Variants in NDUFAF6 observed in about 807,000 individuals in gnomAD.
NDUFAF6 encodes NADH dehydrogenase (ubiquinone) complex I, assembly factor 6.
NDUFAF6 carries 45 observed loss-of-function variants against 40.8 expected under a neutral mutation model. The ratio of observed to expected loss-of-function variants is 1.10; its 90% confidence interval spans 0.87 to 1.42. The LOEUF is 1.42. Among genes scored for constraint, NDUFAF6 ranks in the 40% most tolerant of loss-of-function variants. The pLI, the probability that NDUFAF6 is intolerant of heterozygous loss-of-function variation, is 0.00. For synonymous variants in NDUFAF6, 185 were observed against 155.9 expected (o/e 1.19, Z -1.39); for missense variants, 435 against 418.5 (o/e 1.04, Z -0.34).
chr8:95,021,901 T>C (rs1293076604), upstream of NDUFAF6, among the ~76,000 whole-genome samples: 1 of 152,112 alleles, frequency 6.6e-6, no homozygotes, highest in African/African-American at 2.4e-5. Context: ...GTGTCCAAAG[T>C]AGGGGGCAGC....
intron 1 of NDUFAF6, among the ~76,000 whole-genome samples, chr8:94,904,343 T>G (rs1818249031): frequency 8.5e-6 from 1 of 117,344 alleles, no homozygotes; most frequent in African/African-American, 3.6e-5. Flanking sequence ...TTTTTTTTTT[T>G]TTTTTTTTTT....
chr8:95,028,136 AC>A (rs1428713770), intron 1 of NDUFAF6, among the ~76,000 whole-genome samples: 1 of 152,010 alleles, frequency 6.6e-6, no homozygotes, highest in African/African-American at 2.4e-5. Flanking sequence ...CAATCCTAAT[AC>A]CCCGTGTGCT....
At chr8:95,113,703 A>T (rs1042165612) in intron 4 of NDUFAF6, among the ~76,000 whole-genome samples, 5 of 152,322 alleles carry the variant, frequency 3.3e-5, no homozygotes, top group African/African-American at 9.6e-5. Context: ...CTGCACCTCC[A>T]TCCTTGGACT....
At chr8:94,904,882 T>C (rs903000570) in intron 1 of NDUFAF6, among the ~76,000 whole-genome samples, 10 of 152,022 alleles carry the variant, frequency 6.6e-5, no homozygotes, top group Non-Finnish European at 1.5e-4. Flanking sequence ...AAAAAAAAAA[T>C]CATAATAGAA....
intron 1 of NDUFAF6, among the ~76,000 whole-genome samples, chr8:94,940,387 C>A (rs899436035): frequency 6.6e-6 from 1 of 151,942 alleles, no homozygotes; most frequent in African/African-American, 2.4e-5. Flanking sequence ...TTATTTAGTT[C>A]AGAAAACCAT....
At chr8:95,026,090 GT>G (rs369175598) in intron 1 of NDUFAF6, among the ~76,000 whole-genome samples, 20 of 149,510 alleles carry the variant, frequency 1.3e-4, no homozygotes, top group South Asian at 4.3e-4. Flanking sequence ...AAGTAAAACC[GT>G]TTTTTTTTTA....
At chr8:94,913,118 G>A (rs897054544) in intron 1 of NDUFAF6, among the ~76,000 whole-genome samples, 1 of 152,202 alleles carries the variant, frequency 6.6e-6, no homozygotes, top group Non-Finnish European at 1.5e-5. Flanking sequence ...AACTATGCCT[G>A]TGCATACACA....
chr8:95,056,127 A>G (rs1180457753), intron 8 of NDUFAF6, among the ~76,000 whole-genome samples: 1 of 152,200 alleles, frequency 6.6e-6, no homozygotes. Context: ...AGATTTGTAC[A>G]TATTACTGTA....
At chr8:95,073,692 T>C (rs1044281869) in intron 9 of NDUFAF6, among the ~76,000 whole-genome samples, 3 of 152,180 alleles carry the variant, frequency 2.0e-5, no homozygotes, top group African/African-American at 7.2e-5. Context: ...TGATCCCGGC[T>C]TCCAGCTTAC....
chr8:94,987,451 A>G (rs755501105), intron 2 of NDUFAF6, among the ~76,000 whole-genome samples: 8 of 152,202 alleles, frequency 5.3e-5, no homozygotes, highest in Non-Finnish European at 1.0e-4. Context: ...CCTTCCCCCA[A>G]AGAGGTCCAT....
chr8:94,899,250 G>A (rs1006798610), intron 1 of NDUFAF6, among the ~76,000 whole-genome samples: 2 of 152,142 alleles, frequency 1.3e-5, no homozygotes, highest in Non-Finnish European at 2.9e-5. Context: ...CAATTTTATT[G>A]TTAAACAAAT....
intron 9 of NDUFAF6, among the ~76,000 whole-genome samples, chr8:95,070,289 T>C (rs1456199436): frequency 1.3e-5 from 2 of 152,210 alleles, no homozygotes; most frequent in African/African-American, 2.4e-5. Context: ...AGAATTATCA[T>C]GAAGGTTAAG....
intron 2 of NDUFAF6, among the ~76,000 whole-genome samples, chr8:94,999,781 G>C (rs1276479042): frequency 1.3e-5 from 2 of 152,138 alleles, no homozygotes; most frequent in East Asian, 3.8e-4. Flanking sequence ...ACTACTAATA[G>C]GCACTATCTG....
intron 1 of NDUFAF6, among the ~76,000 whole-genome samples, chr8:94,908,056 G>T (rs1294664706): frequency 1.3e-5 from 2 of 152,136 alleles, no homozygotes; most frequent in South Asian, 4.1e-4. Flanking sequence ...AAATATTTAT[G>T]TTTAAATTTC....
chr8:94,938,985 G>C (rs546398791), intron 1 of NDUFAF6, among the ~76,000 whole-genome samples: 2 of 152,298 alleles, frequency 1.3e-5, no homozygotes, highest in African/African-American at 4.8e-5. Context: ...GGTAGACAGT[G>C]TCAGAATTGA....
intron 1 of NDUFAF6, among the ~76,000 whole-genome samples, chr8:94,925,056 T>C (rs577172948): frequency 1.8e-4 from 27 of 152,366 alleles, no homozygotes; most frequent in African/African-American, 6.5e-4. Flanking sequence ...AGTGGGGCTT[T>C]CATTTCAACC....
At chr8:94,991,729 G>T (rs995596662) in intron 2 of NDUFAF6, among the ~76,000 whole-genome samples, 4 of 145,882 alleles carry the variant, frequency 2.7e-5, no homozygotes, top group South Asian at 2.2e-4. Flanking sequence ...TCTGTGCCTT[G>T]TTTTTTTCTC....
intron 2 of NDUFAF6, among the ~76,000 whole-genome samples, chr8:95,012,667 T>TAAAC (rs1554659728): frequency 2.1e-4 from 32 of 150,514 alleles, no homozygotes; most frequent in Non-Finnish European, 1.9e-4. Context: ...AATAAATAAA[T>TAAAC]AAACAAATAA....
At chr8:94,981,745 A>G (rs373411495) in intron 2 of NDUFAF6, among the ~76,000 whole-genome samples, 5 of 152,150 alleles carry the variant, frequency 3.3e-5, no homozygotes, top group East Asian at 1.9e-4. Context: ...CAATGCTTCC[A>G]TGAGAGAGCT....
Sources: allele counts gnomAD v4.1 joint callset (sites outside exome capture counted in the v4.1 genomes callset), GRCh38; gene constraint gnomAD v4.1.1; transcripts MANE v1.5; gene names NCBI Gene and HGNC (gene_info 2026-07-23, HGNC 2026-07-21).